The following MYH14 variants were observed in gnomAD, a reference collection of about 807,000 sequenced individuals.
MYH14 encodes the protein myosin-14.
A neutral mutation model predicts 255.5 loss-of-function variants in MYH14; 123 were observed. The observed-to-expected ratio is 0.48, with a 90% confidence interval of 0.42 to 0.56. The LOEUF (loss-of-function observed/expected upper bound fraction) is 0.56, where lower values mean the gene tolerates loss of function less well. Ranked by LOEUF, MYH14 falls within the 20% of genes least tolerant of loss-of-function variation. MYH14 has a pLI of 0.00. For synonymous variants in MYH14, 1,095 were observed against 1,161.2 expected (o/e 0.94, Z 1.16); for missense variants, 2,423 against 2,802.3 (o/e 0.86, Z 3.06).
intron 23 of MYH14, 66 bp downstream of exon 23, chr19:50,267,074 C>A: frequency 6.9e-7 from 1 of 1,445,146 alleles, no homozygotes. Context: ...ATGGGTGGAG[C>A]CAGGTGTGAG....
chr19:50,224,039 T>TCCCCCCCCC, intron 5 of MYH14, 115 bp from the exon 6 acceptor site: 1 of 415,106 alleles, frequency 2.4e-6, no homozygotes, highest in Non-Finnish European at 4.3e-6. Flanking sequence ...GTTTCCCCAG[T>TCCCCCCCCC]CCCCCTTCCC....
At chr19:50,232,865 G>A (rs2033473056) in intron 10 of MYH14, among the ~76,000 whole-genome samples, 10 of 152,114 alleles carry the variant, frequency 6.6e-5, no homozygotes, top group Admixed American at 5.9e-4. Flanking sequence ...CTGCAGAGGG[G>A]TGGGGAGTCT....
At chr19:50,298,376 CAACACACACACA>C (rs1490956834) in intron 39 of MYH14, among the ~76,000 whole-genome samples, 1 of 129,092 alleles carries the variant, frequency 7.7e-6, no homozygotes, top group Non-Finnish European at 1.7e-5. Context: ...GGACAAAACC[CAACACACACACA>C]AACACACACA....
chr19:50,221,324 G>A lies in MYH14; in HGVS notation c.563-1759G>A, dbSNP rs1010441913. On this transcript the variant is annotated intron_variant, in intron 3 of 42. Transcript: ENST00000642316. This position sits in a 1 kb window ranked among gnomAD's most constrained non-coding sequence, Gnocchi z 5.3. ...CACGCAGCAAGTCAGAGAGGCAGCC[G>A]GGCGGTGAACCTGTGTGCATATAGT... 3.9e-5 allele frequency among the ~76,000 whole-genome samples: 6 copies of A among 152,158 alleles called. 1 individual carries two copies. The South Asian group carries it at 6.2e-4, about 16-fold the overall frequency.
chr19:50,290,090 C>G (rs1330261232), intron 35 of MYH14, among the ~76,000 whole-genome samples: 1 of 152,078 alleles, frequency 6.6e-6, no homozygotes. Context: ...GCCTCTCCCC[C>G]AACCAGCGTT....
At chr19:50,244,024 G>A (rs925932496) in intron 10 of MYH14, among the ~76,000 whole-genome samples, 2 of 151,466 alleles carry the variant, frequency 1.3e-5, no homozygotes, top group South Asian at 4.2e-4. Flanking sequence ...GCTCAGGCTG[G>A]TCTCAAACTC....
intron 3 of MYH14, 118 bp downstream of exon 3, chr19:50,217,889 G>C: frequency 7.9e-7 from 1 of 1,263,756 alleles, no homozygotes; most frequent in Non-Finnish European, 1.1e-6. Context: ...ACTCTGTAGG[G>C]CTTCTTAGGG....
chr19:50,257,760 G>C (rs546545279), intron 18 of MYH14, among the ~76,000 whole-genome samples: 7 of 152,336 alleles, frequency 4.6e-5, no homozygotes, highest in African/African-American at 1.4e-4. Flanking sequence ...GGAGCTCACA[G>C]TCTGATGGGG....
chr19:50,298,612 G>A (rs372614813), intron 39 of MYH14, among the ~76,000 whole-genome samples: 3 of 151,982 alleles, frequency 2.0e-5, no homozygotes, highest in East Asian at 3.9e-4. Flanking sequence ...TTAGCCAGGC[G>A]TGGTGGCGGG....
chr19:50,253,042 C>CT (rs764043541), intron 16 of MYH14, among the ~76,000 whole-genome samples: 1 of 152,266 alleles, frequency 6.6e-6, no homozygotes, highest in East Asian at 1.9e-4. Context: ...TGTTAAACAT[C>CT]GTTTTTTTAG....
Position 50,297,830 on chromosome 19 carries a change from A to G in MYH14, c.5470-3831A>G, listed in dbSNP as rs568846196. 9.9e-5 allele frequency among the ~76,000 whole-genome samples: 15 copies of G among 152,156 alleles called. No homozygotes were observed. The South Asian group carries it at 3.1e-3, about 32-fold the overall frequency. On this transcript the variant is annotated intron_variant, in intron 39 of 42. Transcript: ENST00000642316. ...CTCCTCTTAAAAGGACACCAGCCGT[A>G]TCAGATTTGAGGCCCACCCTAATCC...
rs528355516 is a variant in MYH14 at position 50,217,871 on chromosome 19, T to C, written c.562+100T>C. 12 of 1,431,764 alleles carry C rather than the reference T, an allele frequency of 8.4e-6. No individual in the cohort carries two copies. The African/African-American group carries it at 1.4e-4, about 17-fold the overall frequency. The allele number at this position is 1,431,764 out of a possible 1,614,324, so 88.7% of individuals were successfully genotyped here. On this transcript the variant is annotated intron_variant, in intron 3 of 42. Coordinates refer to ENST00000642316, the MANE Select transcript of MYH14 (RefSeq NM_001145809.2). ...AGAGTCCAGGTCAAATGACAGCTTG[T>C]AGACTTGACTCTGTAGGGCTTCTTA...
intron 10 of MYH14, among the ~76,000 whole-genome samples, chr19:50,237,777 G>A (rs1025564509): frequency 2.0e-5 from 3 of 152,206 alleles, no homozygotes; most frequent in Admixed American, 6.5e-5. Flanking sequence ...TTGCTGATGT[G>A]GCAGATGAAT....
At chr19:50,301,328 A>G (rs1322239818) in intron 39 of MYH14, among the ~76,000 whole-genome samples, 1 of 152,176 alleles carries the variant, frequency 6.6e-6, no homozygotes, top group Admixed American at 6.5e-5. Context: ...GGTGCAAACA[A>G]AAGTGTGATA....
At chr19:50,303,638 G>T (rs1480965493) in intron 40 of MYH14, among the ~76,000 whole-genome samples, 1 of 152,190 alleles carries the variant, frequency 6.6e-6, no homozygotes, top group South Asian at 2.1e-4. Context: ...TATCAGTCTA[G>T]CACAAAGAGG....
intron 10 of MYH14, among the ~76,000 whole-genome samples, chr19:50,240,444 G>A (rs1239875530): frequency 6.6e-6 from 1 of 152,132 alleles, no homozygotes; most frequent in Non-Finnish European, 1.5e-5. Flanking sequence ...AGCTGGGCAT[G>A]GTGGTGAGCA....
chr19:50,299,570 CAAAAAAAAAAAAA>C (rs4002409), intron 39 of MYH14, among the ~76,000 whole-genome samples: 8 of 57,646 alleles, frequency 1.4e-4, no homozygotes, highest in Admixed American at 1.1e-3. Flanking sequence ...GACTCCATCT[CAAAAAAAAAAAAA>C]AAAAAAAAAA....
chr19:50,231,838 A>T, intron 9 of MYH14, 92 bp from the exon 10 acceptor site: 1 of 1,542,518 alleles, frequency 6.5e-7, no homozygotes, highest in Non-Finnish European at 8.8e-7. Context: ...CAGTGAGGAT[A>T]TGGCATGTCC....
In MYH14 at chr19:50,280,271, G is replaced by A; in HGVS notation, c.4178G>A (p.Gly1393Glu). Residue 1393 changes from glycine to glutamate, a missense_variant, in exon 32 of 43, where the codon GGG becomes GAG. Around this residue, in one of 3 missense-constraint regions of MYH14, gnomAD observed 1,513 missense variants for 1,674.8 expected, o/e 0.90. Transcript: ENST00000642316. This position sits in a 1 kb window ranked among gnomAD's most constrained non-coding sequence, Gnocchi z 4.8. Reference sequence around the variant, plus strand: ...GAGACCAGGGCGAAATTGGCCTTGGGGTCCCGGGTGCGAGCCATGGAGGCT... The same window carrying A: ...GAGACCAGGGCGAAATTGGCCTTGGAGTCCCGGGTGCGAGCCATGGAGGCT... ...QEETRAKLALGSRVRAMEAEA... is the reference protein window; with the variant it reads ...QEETRAKLALESRVRAMEAEA... The A allele has an allele frequency of 1.3e-6, 2 of 1,551,624 alleles. No homozygotes were observed. Among genetic ancestry groups the A allele is most frequent in the Non-Finnish European group, 1.7e-6 (2 of 1,146,960 alleles).
Sources: gnomAD v4.1 joint callset for allele counts (sites outside exome capture counted in the v4.1 genomes callset) on GRCh38, gnomAD v4.1.1 for gene constraint, gnomAD v4.1.1 regional missense constraint, Gnocchi (gnomAD v3.1) non-coding constraint, MANE v1.5 for transcripts, NCBI Gene and HGNC (gene_info 2026-07-23, HGNC 2026-07-21) for gene names.